The following MARVELD2 variants were observed in gnomAD, a reference collection of about 807,000 sequenced individuals.
The protein encoded by MARVELD2 is MARVEL domain containing 2, also known as MARVEL domain-containing protein 2.
A neutral mutation model predicts 57.6 loss-of-function variants in MARVELD2; 49 were observed. That is an observed-to-expected ratio of 0.85 (90% CI 0.68 to 1.08). The LOEUF (loss-of-function observed/expected upper bound fraction) is 1.08, where lower values mean the gene tolerates loss of function less well. Among genes scored for constraint, MARVELD2 ranks in the 50% least tolerant of loss-of-function variants. MARVELD2 has a pLI of 0.00. For missense variants in MARVELD2, 606 were observed against 701.1 expected (o/e 0.86, Z 1.53); for synonymous variants, 238 against 258.8 (o/e 0.92, Z 0.77).
intron 3 of MARVELD2, among the ~76,000 whole-genome samples, chr5:69,427,015 T>A (rs745869701): frequency 3.3e-5 from 5 of 152,212 alleles, no homozygotes; most frequent in Admixed American, 6.5e-5. Flanking sequence ...AGCTACTTAC[T>A]AGCTCTGCGA....
chr5:69,433,852 T>C (rs1285223594), intron 5 of MARVELD2, among the ~76,000 whole-genome samples: 1 of 152,178 alleles, frequency 6.6e-6, no homozygotes, highest in Non-Finnish European at 1.5e-5. Context: ...CTAGTCAAGA[T>C]GACAATTCAA....
In MARVELD2 at chr5:69,441,593, TA is replaced by T; in HGVS notation, c.1619del (p.Lys540SerfsTer10). 2 of 1,601,960 alleles carry T rather than the reference TA, an allele frequency of 1.2e-6. No homozygotes were observed. Among genetic ancestry groups the T allele is most frequent in the Non-Finnish European group, 1.7e-6 (2 of 1,169,460 alleles). ...TACCTAAAGAATAAACTTTCTCACATAAAGCAAAGAATTCAAGAATATGATA... is the reference window on the plus strand; with the variant it reads ...TACCTAAAGAATAAACTTTCTCACATAAGCAAAGAATTCAAGAATATGATA... ...CDYLKNKLSHIKQRIQEYDKV... is the reference protein window; with the variant it reads ...CDYLKNKLSHXKQRIQEYDKV... On this transcript the variant is annotated frameshift_variant, in exon 7 of 7. Transcript: ENST00000325631. LOFTEE classifies it high-confidence loss of function.
At position 69,420,080 on chromosome 5, in the gene MARVELD2, G is replaced by C; in HGVS notation, c.695G>C (p.Gly232Ala). ...YNLFGYSQPYGMGGVGGLGSM... is the reference protein window; with the variant it reads ...YNLFGYSQPYAMGGVGGLGSM... The stretch of plus-strand genomic sequence containing the variant: ...TTGTTTGGATATTCACAACCGTATG[G>C]CATGGGAGGCGTTGGTGGATTGGGC... Residue 232 changes from glycine (G) to alanine (A), a missense_variant, in exon 2 of 7, where the codon GGC becomes GCC. By Grantham distance (60) the Gly-to-Ala change is moderately conservative. Transcript: ENST00000325631. The C allele has an allele frequency of 6.2e-7, 1 of 1,614,112 alleles. No homozygotes were observed. Among genetic ancestry groups the C allele is most frequent in the Non-Finnish European group, 8.5e-7 (1 of 1,180,024 alleles).
chr5:69,434,068 G>A (rs1338023779), intron 5 of MARVELD2, among the ~76,000 whole-genome samples: 1 of 152,030 alleles, frequency 6.6e-6, no homozygotes, highest in Non-Finnish European at 1.5e-5. Flanking sequence ...TTCAGAAAGG[G>A]AATGTAGGGA....
At chr5:69,421,874 A>C (rs1040877940) in intron 2 of MARVELD2, among the ~76,000 whole-genome samples, 3 of 150,294 alleles carry the variant, frequency 2.0e-5, no homozygotes, top group Admixed American at 6.7e-5. Context: ...CAGGGACCCC[A>C]AACAGAGGGA....
intron 5 of MARVELD2, among the ~76,000 whole-genome samples, chr5:69,434,283 G>T (rs1480045707): frequency 1.3e-5 from 2 of 152,038 alleles, no homozygotes; most frequent in African/African-American, 2.4e-5. Context: ...GGACAACATG[G>T]TGAAACCCTG....
intron 3 of MARVELD2, among the ~76,000 whole-genome samples, chr5:69,427,781 A>G (rs1766840768): frequency 6.6e-6 from 1 of 152,298 alleles, no homozygotes; most frequent in Non-Finnish European, 1.5e-5. Context: ...AGCCTGACGA[A>G]GATTTAATTC....
At chr5:69,425,032 A>T (rs1339305873) in intron 3 of MARVELD2, among the ~76,000 whole-genome samples, 1 of 151,408 alleles carries the variant, frequency 6.6e-6, no homozygotes, top group South Asian at 2.1e-4. Context: ...AAAAAAAGAA[A>T]AGAAAAGAAA....
chr5:69,432,724 A>G (rs1255105640), intron 4 of MARVELD2, 49 bp downstream of exon 4: 2 of 1,612,962 alleles, frequency 1.2e-6, no homozygotes, highest in Non-Finnish European at 1.7e-6. Context: ...GAGGGGCCCC[A>G]TTTGGTCCTT....
chr5:69,432,830 C>A, intron 4 of MARVELD2, 92 bp from the exon 5 acceptor site: 1 of 1,552,452 alleles, frequency 6.4e-7, no homozygotes, highest in Non-Finnish European at 8.9e-7. Context: ...ATTGAAGGTA[C>A]AATATGATCA....
Position 69,425,300 on chromosome 5 carries a change from C to T in MARVELD2, c.1182+664C>T, listed in dbSNP as rs561373855. Among the ~76,000 whole-genome samples the T allele has an allele frequency of 2.6e-3, 380 of 148,426 alleles. 1 individual carries two copies. Among genetic ancestry groups the T allele is most frequent in the African/African-American group, 8.9e-3 (363 of 40,598 alleles). On this transcript the variant is annotated intron_variant, in intron 3 of 6. Transcript: ENST00000325631. ...GGGAGATATACCTAATGCTAGATGA[C>T]GAGTTAGTGGGTGCAGCGCACCAGC... is the stretch of plus-strand genomic sequence containing the variant.
In MARVELD2 at chr5:69,419,995, G is replaced by A. The variant is rs1200621305; in HGVS notation, c.610G>A (p.Gly204Arg). Residue 204 changes from glycine to arginine, a missense_variant, in exon 2 of 7, where the codon GGG becomes AGG. Transcript: ENST00000325631. Reference sequence around the variant, plus strand: ...ACTGGGTGTGGTGGAGCTGCTTTTGGGGGCCGGTGTCTTTGCTTGTGTCAC... The same window carrying A: ...ACTGGGTGTGGTGGAGCTGCTTTTGAGGGCCGGTGTCTTTGCTTGTGTCAC... ...RILGVVELLL[G>R]AGVFACVTAY... 6.2e-7 allele frequency: 1 copy of A among 1,614,128 alleles called. No homozygotes were observed.
At chr5:69,429,655 A>G (rs759530868) in intron 3 of MARVELD2, among the ~76,000 whole-genome samples, 33 of 152,104 alleles carry the variant, frequency 2.2e-4, no homozygotes, top group Non-Finnish European at 4.4e-4. Flanking sequence ...ATTTAAGCTA[A>G]CAGGTTTCTT....
chr5:69,432,835 T>C lies in MARVELD2; in HGVS notation c.1332-87T>C, dbSNP rs978997213. ...AATGTATTGAATTGAAGGTACAATA[T>C]GATCAGTAAGGAATAAGATAAGCTG... On this transcript the variant is annotated intron_variant, in intron 4 of 6. Transcript: ENST00000325631. 1.9e-6 allele frequency: 3 copies of C among 1,558,792 alleles called. No individual in the cohort carries two copies. In the African/African-American group the frequency reaches 4.1e-5, roughly 21 times the overall value.
chr5:69,438,778 C>A (rs564407075), intron 5 of MARVELD2, among the ~76,000 whole-genome samples: 9 of 151,766 alleles, frequency 5.9e-5, no homozygotes, highest in African/African-American at 2.2e-4. Context: ...CCCAGCTACT[C>A]GGGAGGCTGA....
In MARVELD2 at chr5:69,428,110, C is replaced by CA. The variant is rs202210075; in HGVS notation, c.1182+3486dup. 3.2e-3 allele frequency among the ~76,000 whole-genome samples: 385 copies of CA among 119,820 alleles called. 3 individuals carry two copies. The highest frequency in any genetic ancestry group is 0.023 in the Middle Eastern group (5 of 216). 78.6% of individuals were successfully genotyped at this position (119,820 alleles called of 152,430 possible). On this transcript the variant is annotated intron_variant, in intron 3 of 6. Transcript: ENST00000325631. Reference sequence around the variant, plus strand: ...TGGGTGACAGAGCGAGACTATGTCTCAAAAAAAAAAAAGTTTTTTCCCAAT... The same window carrying CA: ...TGGGTGACAGAGCGAGACTATGTCTCAAAAAAAAAAAAAGTTTTTTCCCAAT...
chr5:69,419,878 C>T lies in MARVELD2; in HGVS notation c.493C>T (p.His165Tyr). ...PRDPYGSLDR[H>Y]TQTVRTYSEK... ...GGATCCCTATGGATCTCTAGACCGA[C>T]ACACACAAACAGTTCGAACATACAG... Residue 165 changes from histidine to tyrosine, a missense_variant, in exon 2 of 7, where the codon CAC (histidine) becomes TAC (tyrosine). Transcript: ENST00000325631. 1 of 1,614,164 alleles carries T rather than the reference C, an allele frequency of 6.2e-7. No homozygotes were observed. Among genetic ancestry groups the T allele is most frequent in the Non-Finnish European group, 8.5e-7 (1 of 1,180,028 alleles).
chr5:69,424,954 G>A (rs1301140121), intron 3 of MARVELD2, among the ~76,000 whole-genome samples: 2 of 152,036 alleles, frequency 1.3e-5, no homozygotes, highest in African/African-American at 2.4e-5. Flanking sequence ...GAATCTGGGA[G>A]GTGAAGGTTT....
chr5:69,423,769 A>G (rs560386453), intron 2 of MARVELD2, among the ~76,000 whole-genome samples: 4 of 152,332 alleles, frequency 2.6e-5, no homozygotes, highest in Non-Finnish European at 5.9e-5. Flanking sequence ...CACCATGCCT[A>G]GCTTGATTGT....
Sources: gnomAD v4.1 joint callset for allele counts (sites outside exome capture counted in the v4.1 genomes callset) on GRCh38, gnomAD v4.1.1 for gene constraint, MANE v1.5 for transcripts, NCBI Gene and HGNC (gene_info 2026-07-23, HGNC 2026-07-21) for gene names.